Variants in ASTN2 observed in about 807,000 individuals in gnomAD.
ASTN2 encodes astrotactin 2, also known as astrotactin-2.
In ASTN2, 54 loss-of-function variants were observed where a neutral mutation model predicts 139.8. The ratio of observed to expected loss-of-function variants is 0.39; its 90% CI spans 0.31 to 0.48. The LOEUF (loss-of-function observed/expected upper bound fraction) is 0.48. ASTN2 is among the 20% of genes least tolerant of loss of function. ASTN2 has a pLI of 0.95. For missense variants in ASTN2, 1,565 were observed against 1,725.1 expected (o/e 0.91, Z 1.64); for synonymous variants, 756 against 719.5 (o/e 1.05, Z -0.81).
chr9:116,476,308 A>G (rs1027362497), intron 20 of ASTN2, among the ~76,000 whole-genome samples: 5 of 152,184 alleles, frequency 3.3e-5, no homozygotes, highest in Non-Finnish European at 7.3e-5. Context: ...TTAAGTAAAT[A>G]CATCTGCAAA....
At chr9:116,609,296 ATCTCTCTCTCTCTCTC>A (rs34856740) in intron 19 of ASTN2, among the ~76,000 whole-genome samples, 2 of 124,012 alleles carry the variant, frequency 1.6e-5, no homozygotes, top group African/African-American at 3.0e-5. Flanking sequence ...AGAAAAAAGG[ATCTCTCTCTCTCTCTC>A]TCTCTCTCTC....
rs534002807 is a variant in ASTN2, at chr9:116,887,609, G to A, written c.1890-23876C>T. Among the ~76,000 whole-genome samples the A allele has an allele frequency of 3.9e-5, 6 of 152,258 alleles. No individual in the cohort carries two copies. The South Asian group carries it at 1.2e-3, about 32-fold the overall frequency. On this transcript the variant is annotated intron_variant, in intron 10 of 22. Coordinates refer to ENST00000313400, the MANE Select transcript of ASTN2 (RefSeq NM_001365068.1). ...TACTATAGGCCAAGAGATACACAAT[G>A]CACAAGTGTTAAGGAGTTTTGAGCA...
intron 1 of ASTN2, among the ~76,000 whole-genome samples, chr9:117,394,366 G>C (rs1244877990): frequency 6.6e-6 from 1 of 152,144 alleles, no homozygotes; most frequent in Non-Finnish European, 1.5e-5. Flanking sequence ...TTTAAAATTA[G>C]TTCCCCAGTG....
intron 5 of ASTN2, among the ~76,000 whole-genome samples, chr9:117,052,433 T>A (rs1343796393): frequency 8.0e-6 from 1 of 125,240 alleles, no homozygotes; most frequent in African/African-American, 3.0e-5. Flanking sequence ...AGACTCCATC[T>A]TAAAAAAAAA....
rs1990792 is a variant in ASTN2, at chr9:116,424,723, A to C, written c.*1128T>G. On this transcript the variant is annotated 3_prime_UTR_variant, in exon 23 of 23. Coordinates refer to ENST00000313400, the MANE Select transcript of ASTN2 (RefSeq NM_001365068.1). ...CTCCCAAGTAGCTGGGATTGATTAC[A>C]GGCACGTGCCACCATGCCCTGCTAT... Among the ~76,000 whole-genome samples the C allele has an allele frequency of 0.24, 35,874 of 151,702 alleles. 4,637 individuals carry two copies. Among genetic ancestry groups the C allele is most frequent in the Admixed American group, 0.38 (5,720 of 15,222 alleles).
intron 16 of ASTN2, chr9:116,701,157 A>G (rs1163631991): frequency 6.0e-6 from 1 of 167,118 alleles, no homozygotes. Flanking sequence ...CAAGCCAAAG[A>G]GCAACTGCCT....
chr9:117,262,086 A>G (rs1833835289), intron 2 of ASTN2, among the ~76,000 whole-genome samples: 1 of 152,210 alleles, frequency 6.6e-6, no homozygotes, highest in South Asian at 2.1e-4. Context: ...GACATAAACA[A>G]AAGAGTAAAT....
intron 4 of ASTN2, among the ~76,000 whole-genome samples, chr9:117,111,292 AC>A (rs1829242199): frequency 6.6e-6 from 1 of 152,184 alleles, no homozygotes; most frequent in Non-Finnish European, 1.5e-5. Flanking sequence ...GCAGACAAGA[AC>A]TTTAACAGCA....
intron 10 of ASTN2, among the ~76,000 whole-genome samples, chr9:116,866,254 T>C (rs938839059): frequency 2.0e-5 from 3 of 152,204 alleles, no homozygotes; most frequent in African/African-American, 7.2e-5. Flanking sequence ...ACCCAAAGGC[T>C]TAGACGCAGT....
chr9:117,021,452 C>T (rs527544232), intron 6 of ASTN2, among the ~76,000 whole-genome samples: 2 of 152,120 alleles, frequency 1.3e-5, no homozygotes, highest in Non-Finnish European at 2.9e-5. Context: ...TTGGGGTTTA[C>T]ACAACAGGAA....
At chr9:117,390,777 C>T (rs952046219) in intron 1 of ASTN2, among the ~76,000 whole-genome samples, 4 of 152,180 alleles carry the variant, frequency 2.6e-5, no homozygotes, top group African/African-American at 9.6e-5. Context: ...GTTTCCTCCA[C>T]ATTTTGACAA....
At chr9:116,940,014 A>T (rs996326822) in intron 10 of ASTN2, among the ~76,000 whole-genome samples, 9 of 152,256 alleles carry the variant, frequency 5.9e-5, no homozygotes, top group African/African-American at 1.9e-4. Flanking sequence ...GTATAAAAGT[A>T]TAGCACATAC....
intron 1 of ASTN2, among the ~76,000 whole-genome samples, chr9:117,308,358 G>A (rs1227484557): frequency 1.3e-5 from 2 of 152,108 alleles, no homozygotes; most frequent in East Asian, 1.9e-4. Flanking sequence ...ACACACCCTC[G>A]AGGGACCTAT....
intron 2 of ASTN2, among the ~76,000 whole-genome samples, chr9:117,261,917 A>G (rs1194819013): frequency 6.6e-6 from 1 of 152,246 alleles, no homozygotes; most frequent in African/African-American, 2.4e-5. Context: ...TTATTTTGCC[A>G]AAGACTGTGA....
chr9:117,041,709 G>A (rs1287832115), intron 5 of ASTN2, among the ~76,000 whole-genome samples: 1 of 152,140 alleles, frequency 6.6e-6, no homozygotes, highest in Admixed American at 6.5e-5. Flanking sequence ...CTTTCATGAA[G>A]ACTCCCAACA....
chr9:117,244,924 G>A (rs1035216029), intron 2 of ASTN2, among the ~76,000 whole-genome samples: 1 of 152,068 alleles, frequency 6.6e-6, no homozygotes, highest in Non-Finnish European at 1.5e-5. Flanking sequence ...TTTAATGCAC[G>A]ATTATTTTGA....
At chr9:116,450,377 A>G (rs1848137169) in intron 20 of ASTN2, among the ~76,000 whole-genome samples, 1 of 152,208 alleles carries the variant, frequency 6.6e-6, no homozygotes, top group African/African-American at 2.4e-5. Context: ...TCATTTGCTT[A>G]CATTATTTCA....
chr9:116,956,389 G>C (rs1046735009), intron 10 of ASTN2, among the ~76,000 whole-genome samples: 1 of 148,838 alleles, frequency 6.7e-6, no homozygotes, highest in Non-Finnish European at 1.5e-5. Context: ...ATGAGACACT[G>C]CGCCCAGCCA....
At chr9:117,242,670 C>T (rs1833251583) in intron 2 of ASTN2, among the ~76,000 whole-genome samples, 2 of 152,216 alleles carry the variant, frequency 1.3e-5, no homozygotes, top group South Asian at 4.1e-4. Flanking sequence ...TGGGCCTAAG[C>T]ATGACTGGAG....
Sources: gnomAD v4.1 joint callset for allele counts (sites outside exome capture counted in the v4.1 genomes callset) on GRCh38, gnomAD v4.1.1 for gene constraint, MANE v1.5 for transcripts, NCBI Gene and HGNC (gene_info 2026-07-23, HGNC 2026-07-21) for gene names.